RIT2: variants seen among roughly 807,000 people sequenced by gnomAD.
RIT2 encodes GTP-binding protein Rit2.
In RIT2, 24 loss-of-function variants were observed where a neutral mutation model predicts 23.7. The observed-to-expected ratio is 1.01, with a 90% CI of 0.73 to 1.43. The LOEUF is 1.43. RIT2 is among the 40% of genes most tolerant of loss of function. The pLI is 0.00. For synonymous variants in RIT2, 107 were observed against 91.1 expected (o/e 1.17, Z -0.99); for missense variants, 236 against 266.9 (o/e 0.88, Z 0.81).
intron 2 of RIT2, among the ~76,000 whole-genome samples, chr18:42,989,119 T>A (rs1173100532): frequency 6.6e-6 from 1 of 152,162 alleles, no homozygotes; most frequent in Non-Finnish European, 1.5e-5. Context: ...AGTTGGACAA[T>A]CCTTAATTTG....
intron 2 of RIT2, among the ~76,000 whole-genome samples, chr18:42,988,995 T>A (rs1277095141): frequency 6.6e-6 from 1 of 152,196 alleles, no homozygotes; most frequent in Non-Finnish European, 1.5e-5. Flanking sequence ...TGTTTTTTTC[T>A]TGTTCCCCAA....
chr18:43,042,279 A>G (rs377708703), intron 1 of RIT2, among the ~76,000 whole-genome samples: 4 of 152,218 alleles, frequency 2.6e-5, no homozygotes, highest in South Asian at 4.1e-4. Context: ...CCGCCTCCAA[A>G]TTAAGCATTC....
intron 4 of RIT2, among the ~76,000 whole-genome samples, chr18:42,885,654 T>C (rs1212712263): frequency 6.6e-6 from 1 of 152,168 alleles, no homozygotes; most frequent in East Asian, 1.9e-4. Context: ...TTTTCATGGA[T>C]CTTTACTATT....
chr18:42,974,071 T>C lies in RIT2; in HGVS notation c.234+3A>G, dbSNP rs1224643097. On this transcript the variant is annotated splice_donor_region_variant and intron_variant, in intron 3 of 4. Coordinates refer to ENST00000326695, the MANE Select transcript of RIT2 (RefSeq NM_002930.4). The stretch of plus-strand genomic sequence containing the variant: ...ATTGGAGAGGTTTAAGAACATCACC[T>C]ACCTGGCCAGCAGTGTCCAAGATGT... The C allele has an allele frequency of 3.1e-5, 50 of 1,606,556 alleles. No individual in the cohort carries two copies. Among genetic ancestry groups the C allele is most frequent in the Non-Finnish European group, 4.2e-5 (49 of 1,174,574 alleles).
chr18:43,103,644 C>T (rs559566608), intron 1 of RIT2, among the ~76,000 whole-genome samples: 41 of 152,130 alleles, frequency 2.7e-4, no homozygotes, highest in Admixed American at 3.9e-4. Flanking sequence ...CAGATCAAAT[C>T]GAACAAATTG....
chr18:42,830,194 G>C (rs1906417307), intron 4 of RIT2, among the ~76,000 whole-genome samples: 1 of 152,246 alleles, frequency 6.6e-6, no homozygotes, highest in East Asian at 1.9e-4. Flanking sequence ...TTCTTTCAAG[G>C]TCAGGCTCAT....
At chr18:42,871,752 CAAGTGA>C (rs1385862254) in intron 4 of RIT2, among the ~76,000 whole-genome samples, 2 of 152,188 alleles carry the variant, frequency 1.3e-5, no homozygotes, top group Non-Finnish European at 2.9e-5. Context: ...GCTGGGCTTA[CAAGTGA>C]AAGTACTCTG....
Position 42,846,516 on chromosome 18 carries a change from T to C in RIT2, c.426+77056A>G, listed in dbSNP as rs188262516. ...CACAGTGGAAAATTAGAGTCCAATCTCACAAACATAGGTGCCAAAATCTTA... is the reference window on the plus strand; with the variant it reads ...CACAGTGGAAAATTAGAGTCCAATCCCACAAACATAGGTGCCAAAATCTTA... On this transcript the variant is annotated intron_variant, in intron 4 of 4. Coordinates refer to ENST00000326695, the MANE Select transcript of RIT2 (RefSeq NM_002930.4). Among the ~76,000 whole-genome samples the C allele has an allele frequency of 7.6e-4, 116 of 152,004 alleles. 1 individual carries two copies. Among genetic ancestry groups the C allele is most frequent in the Admixed American group, 2.1e-3 (32 of 15,260 alleles).
intron 4 of RIT2, among the ~76,000 whole-genome samples, chr18:42,868,919 C>T (rs1907543910): frequency 1.3e-5 from 2 of 152,260 alleles, no homozygotes; most frequent in South Asian, 4.2e-4. Flanking sequence ...GATGACAGTC[C>T]GGACTGGGCT....
chr18:42,848,949 C>T lies in RIT2; in HGVS notation c.426+74623G>A, dbSNP rs766517778. On this transcript the variant is annotated intron_variant, in intron 4 of 4. Coordinates refer to ENST00000326695, the MANE Select transcript of RIT2 (RefSeq NM_002930.4). ...TGATCACTATTTCTAGGCCTTCTAT[C>T]CACTTGTACTTATGAAACTAGATCA... Among the ~76,000 whole-genome samples the T allele has an allele frequency of 2.0e-5, 3 of 152,136 alleles. No individual in the cohort carries two copies. The East Asian group carries it at 5.8e-4, about 29-fold the overall frequency.
At chr18:42,784,141 A>T (rs1351435639) in intron 4 of RIT2, among the ~76,000 whole-genome samples, 2 of 151,962 alleles carry the variant, frequency 1.3e-5, no homozygotes, top group African/African-American at 2.4e-5. Context: ...CATTTTATTC[A>T]CATTATATTT....
At chr18:43,107,662 T>C (rs1383153952) in intron 1 of RIT2, among the ~76,000 whole-genome samples, 2 of 152,202 alleles carry the variant, frequency 1.3e-5, no homozygotes, top group Admixed American at 6.5e-5. Context: ...TGTCACCTTC[T>C]CTCTATGTGG....
At chr18:42,787,414 T>C (rs1473580793) in intron 4 of RIT2, among the ~76,000 whole-genome samples, 1 of 145,618 alleles carries the variant, frequency 6.9e-6, no homozygotes, top group Non-Finnish European at 1.5e-5. Context: ...ACCCTAGAAC[T>C]TAAAGTATAA....
chr18:42,966,008 G>A (rs1312492935), intron 3 of RIT2, among the ~76,000 whole-genome samples: 2 of 151,994 alleles, frequency 1.3e-5, no homozygotes, highest in Non-Finnish European at 2.9e-5. Flanking sequence ...TAGAAGCCAC[G>A]TGACCTTGGA....
At chr18:42,969,472 G>A (rs1468558926) in intron 3 of RIT2, among the ~76,000 whole-genome samples, 1 of 152,084 alleles carries the variant, frequency 6.6e-6, no homozygotes, top group African/African-American at 2.4e-5. Context: ...TAGAGATCAA[G>A]TCTAATTTAT....
chr18:43,074,784 A>T (rs1912973455), intron 1 of RIT2, among the ~76,000 whole-genome samples: 1 of 152,198 alleles, frequency 6.6e-6, no homozygotes, highest in African/African-American at 2.4e-5. Flanking sequence ...TCCTCAGCAA[A>T]CTAATGCAGG....
At chr18:43,049,894 A>G (rs1383723353) in intron 1 of RIT2, among the ~76,000 whole-genome samples, 1 of 150,604 alleles carries the variant, frequency 6.6e-6, no homozygotes, top group Non-Finnish European at 1.5e-5. Flanking sequence ...ATCTAAAGTC[A>G]TATCACCAAG....
chr18:43,082,477 C>T (rs1164633807), intron 1 of RIT2, among the ~76,000 whole-genome samples: 2 of 152,062 alleles, frequency 1.3e-5, no homozygotes, highest in African/African-American at 4.8e-5. Context: ...GTGAAATGCT[C>T]AATAAAATAC....
intron 4 of RIT2, among the ~76,000 whole-genome samples, chr18:42,797,022 A>G (rs1372562725): frequency 6.6e-6 from 1 of 152,182 alleles, no homozygotes; most frequent in Non-Finnish European, 1.5e-5. Flanking sequence ...ATATGTACCT[A>G]TTGGTAACAA....
Sources: gnomAD v4.1 joint callset for allele counts (sites outside exome capture counted in the v4.1 genomes callset) on GRCh38, gnomAD v4.1.1 for gene constraint, MANE v1.5 for transcripts, NCBI Gene and HGNC (gene_info 2026-07-23, HGNC 2026-07-21) for gene names.